The following EP400 variants were observed in gnomAD, a reference collection of about 807,000 sequenced individuals.
EP400 encodes the protein E1A binding protein p400, also known as E1A-binding protein p400.
EP400 carries 105 observed loss-of-function variants against 354.1 expected under a neutral mutation model. That is an observed-to-expected ratio of 0.30 (90% CI 0.25 to 0.35). The LOEUF is 0.35. Among genes scored for constraint, EP400 ranks in the 10% least tolerant of loss-of-function variants. EP400 has a pLI of 1.00. For synonymous variants in EP400, 1,646 were observed against 1,716.9 expected (o/e 0.96, Z 1.02); for missense variants, 3,280 against 4,121.0 (o/e 0.80, Z 5.59).
intron 2 of EP400, among the ~76,000 whole-genome samples, chr12:131,967,090 A>G (rs1892123641): frequency 6.6e-6 from 1 of 151,768 alleles, no homozygotes; most frequent in South Asian, 2.1e-4. Flanking sequence ...TCAAAAAAAT[A>G]AAAAGGTGGC....
At position 131,961,100 on chromosome 12, in the gene EP400, C is replaced by T. The variant is rs1412544031; in HGVS notation, c.481C>T (p.Leu161Phe). ...RAGAPGPGLGLCSSSPTGGFV... is the reference protein window; with the variant it reads ...RAGAPGPGLGFCSSSPTGGFV... Reference sequence around the variant, plus strand: ...AGGTGCCCCTGGCCCTGGGCTGGGCCTCTGCAGCAGCAGCCCTACAGGGGG... The same window carrying T: ...AGGTGCCCCTGGCCCTGGGCTGGGCTTCTGCAGCAGCAGCCCTACAGGGGG... The change falls in exon 2 of 53, where the codon CTC (leucine) becomes TTC (phenylalanine). Residue 161 changes from leucine (L) to phenylalanine (F), a missense_variant. By Grantham distance (22) the Leu-to-Phe change is conservative. Coordinates refer to ENST00000389561, the MANE Select transcript of EP400 (RefSeq NM_015409.5). 1.2e-6 allele frequency: 2 copies of T among 1,608,080 alleles called. No homozygotes were observed. Among genetic ancestry groups the T allele is most frequent in the East Asian group, 2.2e-5 (1 of 44,528 alleles).
At chr12:132,051,196 CT>C (rs1237421532) in intron 41 of EP400, among the ~76,000 whole-genome samples, 7 of 152,188 alleles carry the variant, frequency 4.6e-5, no homozygotes, top group Non-Finnish European at 4.4e-5. Context: ...CTGTCGGACT[CT>C]TTCCATAAAA....
chr12:132,024,605 T>A (rs1894234001), intron 24 of EP400, among the ~76,000 whole-genome samples: 1 of 152,230 alleles, frequency 6.6e-6, no homozygotes, highest in South Asian at 2.1e-4. Context: ...AGTGGCGCCT[T>A]GTCCCCGTGG....
rs116859394 is a variant in EP400 at position 132,035,138 on chromosome 12, C to T, written c.5952-2544C>T. Among the ~76,000 whole-genome samples, 1,086 of 152,216 alleles carry T rather than the reference C, an allele frequency of 7.1e-3. 35 individuals carry two copies. The South Asian group carries it at 0.093, about 13-fold the overall frequency. ...CAATTGGCCAGAAAGTGTGAGAGGC[C>T]GCTCCAGCTCACTGGTCTGGAGAAG... On this transcript the variant is annotated intron_variant, in intron 30 of 52. Coordinates refer to ENST00000389561, the MANE Select transcript of EP400 (RefSeq NM_015409.5).
Position 132,069,487 on chromosome 12 carries a change from C to T in EP400, c.8875-8C>T, listed in dbSNP as rs760462593. 1.9e-6 allele frequency: 3 copies of T among 1,613,810 alleles called. No homozygotes were observed. In the South Asian group the frequency reaches 3.3e-5, roughly 18 times the overall value. ...CTCTGCGGCCCTAATTTCGCAGTCT[C>T]TCCCCAGATCACCGCACAGCAGATC... On this transcript the variant is annotated splice_region_variant and splice_polypyrimidine_tract_variant and intron_variant, in intron 50 of 52. Coordinates refer to ENST00000389561, the MANE Select transcript of EP400 (RefSeq NM_015409.5).
At chr12:132,026,199 C>T (rs551719263) in intron 25 of EP400, among the ~76,000 whole-genome samples, 13 of 152,328 alleles carry the variant, frequency 8.5e-5, no homozygotes, top group Admixed American at 2.0e-4. Flanking sequence ...CATCCTGTCT[C>T]GCCACCTGCT....
At chr12:132,053,769 TTG>T (rs1386182607) in intron 43 of EP400, among the ~76,000 whole-genome samples, 172 bp downstream of exon 43, 1 of 152,224 alleles carries the variant, frequency 6.6e-6, no homozygotes, top group Admixed American at 6.5e-5. Context: ...CCCAGAGGAA[TTG>T]TGTGTTTTCA....
In EP400 at chr12:131,986,484, C is replaced by G; in HGVS notation, c.1930-30C>G. The G allele has an allele frequency of 1.3e-6, 2 of 1,558,518 alleles. 1 individual carries two copies. Among genetic ancestry groups the G allele is most frequent in the East Asian group, 4.5e-5 (2 of 44,390 alleles). On this transcript the variant is annotated intron_variant, in intron 5 of 52. Transcript: ENST00000389561. ...GGGCTGCCCCGACATCTTTTCTTCA[C>G]CTTGCTCCACTTGTGCCCTGCCCTT...
At position 132,029,742 on chromosome 12, in the gene EP400, C is replaced by T. The variant is rs772386321; in HGVS notation, c.5423C>T (p.Ser1808Phe). 6.2e-6 allele frequency: 10 copies of T among 1,613,236 alleles called. No homozygotes were observed. The highest frequency in any genetic ancestry group is 5.3e-5 in the African/African-American group (4 of 74,944). Residue 1808 changes from serine to phenylalanine, a missense_variant, in exon 28 of 53, where the codon TCC (serine) becomes TTC (phenylalanine). This residue lies in a region of EP400 where 459 missense variants were observed against 496.9 expected (regional missense o/e 0.92). Coordinates refer to ENST00000389561, the MANE Select transcript of EP400 (RefSeq NM_015409.5). The surrounding 1 kb of genome is among the most constrained non-coding windows in gnomAD (Gnocchi z 4.7). ...VIPPVVAAPPSLRVPRPPPLY... is the reference protein window; with the variant it reads ...VIPPVVAAPPFLRVPRPPPLY... ...CCTCCGGTGGTGGCAGCACCCCCGT[C>T]CCTACGGGTGCCGCGGCCGCCACCC...
intron 5 of EP400, among the ~76,000 whole-genome samples, chr12:131,985,630 G>A (rs898114585): frequency 1.3e-5 from 2 of 152,042 alleles, no homozygotes; most frequent in African/African-American, 2.4e-5. Context: ...TTTTTGAGAC[G>A]GAGTTTTGCT....
intron 1 of EP400, among the ~76,000 whole-genome samples, chr12:131,952,260 G>T (rs528577408): frequency 1.5e-5 from 2 of 132,628 alleles, no homozygotes; most frequent in South Asian, 4.9e-4. Flanking sequence ...CGGAGATTGC[G>T]CCACTGCACT....
chr12:131,986,756 C>T lies in EP400; in HGVS notation c.2172C>T (p.Ala724=), dbSNP rs763436135. Residue 724 remains alanine (A), a synonymous_variant, in exon 6 of 53, where the codon GCC becomes GCT. Transcript: ENST00000389561. The stretch of plus-strand genomic sequence containing the variant: ...AACCACAGAGTCCTGCTCAGAATGC[C>T]ACCTCGTCCCAAGACAGTTCTCAGG... ...PTKPQSPAQN[A]TSSQDSSQDT... The T allele has an allele frequency of 3.7e-6, 6 of 1,614,066 alleles. No homozygotes were observed. The highest frequency in any genetic ancestry group is 5.1e-6 in the Non-Finnish European group (6 of 1,180,036).
intron 47 of EP400, among the ~76,000 whole-genome samples, chr12:132,063,659 C>G (rs955648337): frequency 1.3e-5 from 2 of 152,170 alleles, no homozygotes; most frequent in Admixed American, 6.5e-5. Context: ...GTCTGGGCCT[C>G]TCCGTGGTCT....
chr12:132,018,297 C>G lies in EP400; in HGVS notation c.4198C>G (p.Pro1400Ala). Reference protein sequence around the residue: ...EAELLSKKKIPRKLMEEISTS... With the variant: ...EAELLSKKKIARKLMEEISTS... ...AGAGTTGCTGTCTAAGAAAAAGATA[C>G]CGCGGAAACTCATGGAGGAAATCTC... The change falls in exon 21 of 53, where the codon CCG becomes GCG. Residue 1400 changes from proline to alanine, a missense_variant. Transcript: ENST00000389561. This position sits in a 1 kb window ranked among gnomAD's most constrained non-coding sequence, Gnocchi z 4.0. 1 of 1,613,582 alleles carries G rather than the reference C, an allele frequency of 6.2e-7. No individual in the cohort carries two copies. The highest frequency in any genetic ancestry group is 8.5e-7 in the Non-Finnish European group (1 of 1,179,912).
rs977383419 is a variant in EP400, at chr12:132,028,371, A to T, written c.5381+83A>T. On this transcript the variant is annotated intron_variant, in intron 27 of 52. Transcript: ENST00000389561. ...ACCCCTTCTTGTCTCGTGGATGTAC[A>T]TCTTACTCCCATCGGCTTCTCCCCA... 4.6e-6 allele frequency: 7 copies of T among 1,529,838 alleles called. No individual in the cohort carries two copies. The South Asian group carries it at 8.5e-5, about 18-fold the overall frequency. 94.8% of individuals were successfully genotyped at this position (1,529,838 alleles called of 1,614,324 possible).
intron 12 of EP400, among the ~76,000 whole-genome samples, chr12:132,000,975 C>T (rs763676240): frequency 1.3e-5 from 2 of 152,154 alleles, no homozygotes; most frequent in South Asian, 2.1e-4. Flanking sequence ...ATTCTGCTGT[C>T]GTTTATGAAT....
chr12:131,984,609 G>C (rs1044973154), intron 5 of EP400, among the ~76,000 whole-genome samples: 1 of 152,150 alleles, frequency 6.6e-6, no homozygotes, highest in Admixed American at 6.5e-5. Flanking sequence ...GCCACATACT[G>C]ACTTAAAGCA....
At position 132,017,124 on chromosome 12, in the gene EP400, C is replaced by A. The variant is rs1893967651; in HGVS notation, c.3924-411C>A. 6.6e-6 allele frequency among the ~76,000 whole-genome samples: 1 copy of A among 152,232 alleles called. No individual in the cohort carries two copies. The highest frequency in any genetic ancestry group is 1.5e-5 in the Non-Finnish European group (1 of 68,050). On this transcript the variant is annotated intron_variant, in intron 19 of 52. Coordinates refer to ENST00000389561, the MANE Select transcript of EP400 (RefSeq NM_015409.5). The surrounding 1 kb of genome is among the most constrained non-coding windows in gnomAD (Gnocchi z 5.0). ...GGGCATGGACCTGGGTCCTCGTCTA[C>A]CCCCGCTCACTGCCTGCAGGGCCAG...
At chr12:132,061,210 G>C (rs1307909153) in intron 45 of EP400, among the ~76,000 whole-genome samples, 1 of 152,168 alleles carries the variant, frequency 6.6e-6, no homozygotes, top group African/African-American at 2.4e-5. Context: ...ACTTTGGCAA[G>C]CATCCGTGGT....
Sources: allele counts gnomAD v4.1 joint callset (sites outside exome capture counted in the v4.1 genomes callset), GRCh38; gene constraint gnomAD v4.1.1; regional missense constraint gnomAD v4.1.1; non-coding constraint Gnocchi (gnomAD v3.1); transcripts MANE v1.5; gene names NCBI Gene and HGNC (gene_info 2026-07-23, HGNC 2026-07-21).